SGCD: variants seen among roughly 807,000 people sequenced by gnomAD.
SGCD encodes the protein delta-sarcoglycan.
SGCD carries 18 observed loss-of-function variants against 36.6 expected under a neutral mutation model. That is an observed-to-expected ratio of 0.49 (90% confidence interval 0.34 to 0.73). The LOEUF (loss-of-function observed/expected upper bound fraction) is 0.73, where lower values mean the gene tolerates loss of function less well. SGCD is among the 30% of genes least tolerant of loss of function. The pLI, the probability that SGCD is intolerant of heterozygous loss-of-function variation, is 0.01. For synonymous variants in SGCD, 133 were observed against 130.6 expected (o/e 1.02, Z -0.12); for missense variants, 387 against 346.7 (o/e 1.12, Z -0.92).
At chr5:156,518,693 A>T in intron 4 of SGCD, among the ~76,000 whole-genome samples, 1 of 152,220 alleles carries the variant, frequency 6.6e-6, no homozygotes, top group East Asian at 1.9e-4. Flanking sequence ...ACTCAAGATT[A>T]GGAAACTCAC....
intron 1 of SGCD, among the ~76,000 whole-genome samples, chr5:156,081,958 T>A (rs918882686): frequency 6.6e-6 from 1 of 152,082 alleles, no homozygotes; most frequent in East Asian, 1.9e-4. Context: ...TTTAGAGATA[T>A]AGTAAATGAT....
intron 1 of SGCD, among the ~76,000 whole-genome samples, chr5:156,083,784 GTTTTGT>G (rs1761027394): frequency 1.3e-5 from 2 of 149,650 alleles, no homozygotes; most frequent in East Asian, 3.9e-4. Flanking sequence ...TTTTTTTTTT[GTTTTGT>G]TTTTGTTTTT....
In SGCD at chr5:156,759,515, T is replaced by C. The variant is rs2113187705; in HGVS notation, c.*125T>C. ...AAGACCTTGTGTGTATGTGTACGTG[T>C]GTGTGCGTGCTTGAGTGTGTTCGCG... is the stretch of plus-strand genomic sequence containing the variant. On this transcript the variant is annotated 3_prime_UTR_variant, in exon 9 of 9. Transcript: ENST00000337851. 1 of 541,140 alleles carries C rather than the reference T, an allele frequency of 1.8e-6. No homozygotes were observed. The highest frequency in any genetic ancestry group is 3.2e-6 in the Non-Finnish European group (1 of 310,790). 33.5% of individuals were successfully genotyped at this position (541,140 alleles called of 1,614,324 possible).
At chr5:156,685,846 C>T (rs1753885258) in intron 7 of SGCD, among the ~76,000 whole-genome samples, 1 of 152,130 alleles carries the variant, frequency 6.6e-6, no homozygotes, top group Non-Finnish European at 1.5e-5. Context: ...ATAAAAAACA[C>T]TTTAGTGGGA....
chr5:156,174,551 T>C (rs1408941352), intron 3 of SGCD, among the ~76,000 whole-genome samples: 1 of 152,226 alleles, frequency 6.6e-6, no homozygotes, highest in Middle Eastern at 3.2e-3. Context: ...ATTGCAGTTA[T>C]TTCATCCAGG....
chr5:156,278,593 G>A (rs547858508), intron 3 of SGCD, among the ~76,000 whole-genome samples: 1 of 152,278 alleles, frequency 6.6e-6, no homozygotes, highest in Admixed American at 6.5e-5. Flanking sequence ...GGGAACTCAA[G>A]TCACTGTGAT....
chr5:156,075,317 T>A (rs11135048), intron 1 of SGCD, among the ~76,000 whole-genome samples: 21,646 of 151,994 alleles, frequency 0.14, 1,793 homozygotes, highest in Admixed American at 0.23. Flanking sequence ...ATGCTGACAA[T>A]TTAAAATAAT....
At chr5:156,303,126 C>T (rs1767099950) in intron 3 of SGCD, among the ~76,000 whole-genome samples, 1 of 152,176 alleles carries the variant, frequency 6.6e-6, no homozygotes, top group Non-Finnish European at 1.5e-5. Context: ...GGTCTGGAGT[C>T]AGGGATTTTA....
At chr5:156,348,535 T>C (rs1258120755) in intron 3 of SGCD, among the ~76,000 whole-genome samples, 1 of 152,040 alleles carries the variant, frequency 6.6e-6, no homozygotes, top group African/African-American at 2.4e-5. Context: ...CCTAGGAAGA[T>C]ACTTAAGCAA....
chr5:156,684,012 T>C (rs1373634942), intron 7 of SGCD, among the ~76,000 whole-genome samples: 2 of 152,238 alleles, frequency 1.3e-5, no homozygotes, highest in African/African-American at 4.8e-5. Context: ...TTGTCTCGTG[T>C]ACAAAACTGT....
chr5:156,159,291 G>A (rs77209760), intron 3 of SGCD, among the ~76,000 whole-genome samples: 2,184 of 151,560 alleles, frequency 0.014, 26 homozygotes, highest in Non-Finnish European at 0.024. Context: ...ACAAAATTAC[G>A]TAGATTTTAC....
At chr5:156,256,461 C>T (rs1242952852) in intron 3 of SGCD, among the ~76,000 whole-genome samples, 3 of 152,164 alleles carry the variant, frequency 2.0e-5, no homozygotes, top group African/African-American at 7.2e-5. Context: ...TCTCACTTAA[C>T]ATCATGCTTT....
intron 7 of SGCD, among the ~76,000 whole-genome samples, chr5:156,742,050 T>A (rs534186129): frequency 7.3e-4 from 111 of 152,250 alleles, no homozygotes; most frequent in African/African-American, 2.6e-3. Context: ...TAATTTTTTG[T>A]ATTTTTAGTA....
intron 3 of SGCD, among the ~76,000 whole-genome samples, chr5:156,296,384 C>A (rs909866285): frequency 2.6e-5 from 4 of 152,158 alleles, no homozygotes; most frequent in African/African-American, 9.7e-5. Context: ...GATGTTGAGG[C>A]ACCATAAATT....
chr5:156,596,168 A>G (rs1760918569), intron 6 of SGCD, among the ~76,000 whole-genome samples: 1 of 152,208 alleles, frequency 6.6e-6, no homozygotes, highest in Non-Finnish European at 1.5e-5. Flanking sequence ...CTCAGTCAAC[A>G]GTAGGTGCTG....
intron 3 of SGCD, among the ~76,000 whole-genome samples, chr5:156,361,075 T>C (rs1769765537): frequency 6.6e-6 from 1 of 152,182 alleles, no homozygotes; most frequent in African/African-American, 2.4e-5. Flanking sequence ...TTCGGGGTCA[T>C]GGGCACCCTA....
chr5:156,690,956 C>CA, intron 7 of SGCD, among the ~76,000 whole-genome samples: 1 of 152,012 alleles, frequency 6.6e-6, no homozygotes, highest in Admixed American at 6.5e-5. Context: ...CCTGTAATCC[C>CA]AGCACTATGG....
At chr5:156,073,561 T>G (rs1331209842) in intron 1 of SGCD, among the ~76,000 whole-genome samples, 1 of 152,170 alleles carries the variant, frequency 6.6e-6, no homozygotes. Flanking sequence ...AGACCCTGTC[T>G]CAAAAAGGTA....
chr5:156,266,325 C>G (rs550189785), intron 3 of SGCD, among the ~76,000 whole-genome samples: 1 of 152,332 alleles, frequency 6.6e-6, no homozygotes, highest in East Asian at 1.9e-4. Flanking sequence ...AGAGCATCCT[C>G]TGGTCCCAAT....
Sources: allele counts gnomAD v4.1 joint callset (sites outside exome capture counted in the v4.1 genomes callset), GRCh38; gene constraint gnomAD v4.1.1; transcripts MANE v1.5; gene names NCBI Gene and HGNC (gene_info 2026-07-23, HGNC 2026-07-21).